DIAPH2: variants seen among roughly 807,000 people sequenced by gnomAD.
The protein encoded by DIAPH2 is protein diaphanous homolog 2.
DIAPH2 carries 35 observed loss-of-function variants against 92.7 expected under a neutral mutation model. The ratio of observed to expected loss-of-function variants is 0.38; its 90% CI spans 0.29 to 0.50. DIAPH2 has a LOEUF of 0.50. DIAPH2 is among the 20% of genes least tolerant of loss of function. The pLI is 0.94. For missense variants in DIAPH2, 701 were observed against 819.5 expected (o/e 0.86, Z 1.77); for synonymous variants, 301 against 280.4 (o/e 1.07, Z -0.73).
intron 22 of DIAPH2, among the ~76,000 whole-genome samples, chrX:97,185,425 A>ATATATATATATG (rs1569323212): frequency 6.1e-5 from 2 of 32,691 alleles, no homozygotes; most frequent in Non-Finnish European, 9.9e-5. Flanking sequence ...ATATATATGT[A>ATATATATATATG]TATATATATG....
intron 3 of DIAPH2, among the ~76,000 whole-genome samples, chrX:96,750,856 A>G (rs1195917054): frequency 8.9e-6 from 1 of 112,728 alleles, no homozygotes; most frequent in Non-Finnish European, 1.9e-5. Flanking sequence ...AAAGAAATGT[A>G]CTTCAGCTTC....
At chrX:97,129,112 T>TTTTCTTTTC (rs1466466853) in intron 21 of DIAPH2, among the ~76,000 whole-genome samples, 353 of 76,901 alleles carry the variant, frequency 4.6e-3, no homozygotes, top group Non-Finnish European at 7.0e-3. Context: ...TTTTCTTTTC[T>TTTTCTTTTC]TTTCTTTTCT....
chrX:96,785,638 GT>G (rs1260536486), intron 4 of DIAPH2, among the ~76,000 whole-genome samples: 118 of 104,509 alleles, frequency 1.1e-3, no homozygotes, highest in African/African-American at 1.9e-3. Context: ...TGCCCTGCTA[GT>G]TTTTTTTTTG....
At chrX:97,226,126 T>G (rs752739600) in intron 22 of DIAPH2, among the ~76,000 whole-genome samples, 8 of 111,292 alleles carry the variant, frequency 7.2e-5, no homozygotes, top group African/African-American at 2.6e-4. Flanking sequence ...CGTGTCATTA[T>G]AGTACCACCT....
At chrX:97,519,604 C>T (rs1390499061) in intron 26 of DIAPH2, among the ~76,000 whole-genome samples, 2 of 112,402 alleles carry the variant, frequency 1.8e-5, no homozygotes, top group Non-Finnish European at 3.8e-5. Context: ...ATAAGAATGC[C>T]TGTAATTTTC....
At chrX:97,293,243 C>CTTTTTTTTT (rs1184478622) in intron 23 of DIAPH2, among the ~76,000 whole-genome samples, 1 of 63,216 alleles carries the variant, frequency 1.6e-5, no homozygotes, top group Non-Finnish European at 3.0e-5. Context: ...ATATTTCTTT[C>CTTTTTTTTT]TTTTTTTTTT....
At chrX:97,052,281 G>A (rs1207258905) in intron 17 of DIAPH2, among the ~76,000 whole-genome samples, 3 of 110,823 alleles carry the variant, frequency 2.7e-5, no homozygotes, top group Admixed American at 1.9e-4. Context: ...GAGGGTGGGG[G>A]AAAGATATTT....
chrX:97,211,616 C>T (rs1248452326), intron 22 of DIAPH2, among the ~76,000 whole-genome samples: 2 of 111,645 alleles, frequency 1.8e-5, no homozygotes, highest in Non-Finnish European at 3.8e-5. Context: ...ATTTTTCTCT[C>T]ATGGCTCCTG....
At chrX:97,573,012 AT>A (rs1016382472) in intron 26 of DIAPH2, among the ~76,000 whole-genome samples, 13 of 110,794 alleles carry the variant, frequency 1.2e-4, no homozygotes, top group East Asian at 8.5e-4. Flanking sequence ...CTGTATTGTG[AT>A]TTTTTTTTAA....
intron 23 of DIAPH2, among the ~76,000 whole-genome samples, chrX:97,339,357 A>C (rs2052090607): frequency 9.1e-6 from 1 of 110,463 alleles, no homozygotes; most frequent in Non-Finnish European, 1.9e-5. Context: ...TCTACTAAAA[A>C]TAAAGAAATT....
intron 4 of DIAPH2, among the ~76,000 whole-genome samples, chrX:96,863,933 C>T (rs757017481): frequency 9.1e-6 from 1 of 110,265 alleles, no homozygotes; most frequent in African/African-American, 3.3e-5. Flanking sequence ...CATGGTGGTG[C>T]GCACCTATTG....
At chrX:97,496,019 T>G (rs1341882542) in intron 26 of DIAPH2, among the ~76,000 whole-genome samples, 2 of 110,872 alleles carry the variant, frequency 1.8e-5, no homozygotes, top group Non-Finnish European at 3.8e-5. Context: ...GTGATTGTTT[T>G]TCAAAACCAA....
intron 26 of DIAPH2, among the ~76,000 whole-genome samples, chrX:97,527,158 CT>C (rs2147848727): frequency 8.9e-6 from 1 of 112,362 alleles, no homozygotes; most frequent in South Asian, 3.7e-4. Context: ...AATACATCTA[CT>C]TGGTTCTGAA....
intron 17 of DIAPH2, among the ~76,000 whole-genome samples, chrX:96,980,364 A>C (rs753019058): frequency 2.7e-5 from 3 of 111,139 alleles, no homozygotes; most frequent in African/African-American, 9.8e-5. Context: ...AAGTCCTGCC[A>C]ATCAAGCCGT....
intron 23 of DIAPH2, among the ~76,000 whole-genome samples, chrX:97,282,401 C>A (rs1415482712): frequency 8.9e-6 from 1 of 111,761 alleles, no homozygotes; most frequent in African/African-American, 3.3e-5. Flanking sequence ...CCTCCGCCAC[C>A]CAGGTTCAAG....
chrX:97,316,714 G>A (rs992503279), intron 23 of DIAPH2, among the ~76,000 whole-genome samples: 4 of 111,662 alleles, frequency 3.6e-5, no homozygotes, highest in African/African-American at 1.3e-4. Flanking sequence ...GATGATGGGA[G>A]ACAGTCCATT....
intron 26 of DIAPH2, among the ~76,000 whole-genome samples, chrX:97,579,955 T>C (rs2071426858): frequency 9.1e-6 from 1 of 110,166 alleles, no homozygotes; most frequent in Admixed American, 9.6e-5. Flanking sequence ...TCACTCATGA[T>C]TTGGCTCTCT....
intron 26 of DIAPH2, among the ~76,000 whole-genome samples, chrX:97,566,888 T>C (rs1231289112): frequency 9.0e-6 from 1 of 111,661 alleles, no homozygotes; most frequent in African/African-American, 3.3e-5. Flanking sequence ...CAAAAGAGTA[T>C]ATAAACGCTG....
rs2064014431 is a variant in DIAPH2 at position 96,725,333 on chromosome X, C to T, written c.133-10425C>T. ...CAAAAGGTTTTTTCAGTTATCACTA[C>T]TCAGCATAGAATCTGAAGCCCATTG... On this transcript the variant is annotated intron_variant, in intron 1 of 26. Coordinates refer to ENST00000324765, the MANE Select transcript of DIAPH2 (RefSeq NM_006729.5). Among the ~76,000 whole-genome samples, 5 of 111,698 alleles carry T rather than the reference C, an allele frequency of 4.5e-5. No individual in the cohort carries two copies. In the South Asian group the frequency reaches 1.8e-3, roughly 41 times the overall value.
Sources: gnomAD v4.1 joint callset for allele counts (sites outside exome capture counted in the v4.1 genomes callset) on GRCh38, gnomAD v4.1.1 for gene constraint, MANE v1.5 for transcripts, NCBI Gene and HGNC (gene_info 2026-07-23, HGNC 2026-07-21) for gene names.